Variants in PAXBP1 observed in about 807,000 individuals in gnomAD.
PAXBP1 encodes PAX3- and PAX7-binding protein 1.
A neutral mutation model predicts 119.9 loss-of-function variants in PAXBP1; 44 were observed. The observed-to-expected ratio is 0.37, with a 90% CI of 0.29 to 0.47. PAXBP1 has a LOEUF of 0.47. Among genes scored for constraint, PAXBP1 ranks in the 20% least tolerant of loss-of-function variants. PAXBP1 has a pLI of 0.99. For synonymous variants in PAXBP1, 393 were observed against 406.6 expected (o/e 0.97, Z 0.40); for missense variants, 898 against 1,134.1 (o/e 0.79, Z 2.99).
At chr21:32,762,011 G>C in intron 4 of PAXBP1, 85 bp downstream of exon 4, 1 of 1,386,816 alleles carries the variant, frequency 7.2e-7, no homozygotes, top group South Asian at 1.3e-5. Flanking sequence ...CTGCACTCTG[G>C]CCTAAGTGAT....
intron 5 of PAXBP1, 122 bp downstream of exon 5, chr21:32,760,936 TC>T: frequency 1.5e-6 from 1 of 672,404 alleles, no homozygotes; most frequent in Non-Finnish European, 2.6e-6. Context: ...TGTGTGTGTC[TC>T]CTCATGGGAT....
intron 8 of PAXBP1, among the ~76,000 whole-genome samples, chr21:32,753,077 A>C (rs556128810): frequency 6.6e-6 from 1 of 152,172 alleles, no homozygotes; most frequent in Non-Finnish European, 1.5e-5. Flanking sequence ...TGAGTTCACT[A>C]CACACCCCAG....
chr21:32,761,732 C>T (rs747043417), intron 4 of PAXBP1, among the ~76,000 whole-genome samples: 2 of 150,990 alleles, frequency 1.3e-5, no homozygotes, highest in Non-Finnish European at 2.9e-5. Context: ...TGGCCCATGC[C>T]TGTAATCCCA....
chr21:32,761,064 G>A lies in PAXBP1; in HGVS notation c.970C>T (p.Pro324Ser). The A allele has an allele frequency of 1.2e-6, 2 of 1,608,202 alleles. No homozygotes were observed. The highest frequency in any genetic ancestry group is 2.2e-5 in the East Asian group (1 of 44,694). ...GTTTAATTCTTTTGTCGTACCTGAG[G>A]GATATTAATTCCTTTCCTTATCTGC... ...QEQIRKGINI[P>S]QVQASQPAEV... is the part of the protein sequence containing the mutation. Residue 324 changes from proline to serine, a missense_variant, in exon 5 of 18, where the codon CCT (proline) becomes TCT (serine). By Grantham distance (74) the Pro-to-Ser change is moderately conservative. Around this residue, in one of 2 missense-constraint regions of PAXBP1, gnomAD observed 599 missense variants for 852.7 expected, o/e 0.70. Coordinates refer to ENST00000331923, the MANE Select transcript of PAXBP1 (RefSeq NM_016631.4).
chr21:32,759,727 AG>A, intron 6 of PAXBP1, 49 bp downstream of exon 6: 1 of 1,470,072 alleles, frequency 6.8e-7, no homozygotes, highest in Non-Finnish European at 9.5e-7. Flanking sequence ...ATGTTGCCTG[AG>A]GGAACAGAAA....
In PAXBP1 at chr21:32,743,284, G is replaced by A; in HGVS notation, c.2298C>T (p.Tyr766=). The A allele has an allele frequency of 6.3e-7, 1 of 1,575,974 alleles. No individual in the cohort carries two copies. The change falls in exon 15 of 18, where the codon TAC becomes TAT. Residue 766 remains tyrosine, a synonymous_variant. Transcript: ENST00000331923. ...ACCAAAACTGTCGTTGAAAAAACAA[G>A]TAAGGCCCAGAATTTTTATTTTCTA... is the stretch of plus-strand genomic sequence containing the variant. The part of the protein sequence containing the change: ...NVLENKNSGP[Y]LFFQRQFWSS...
At chr21:32,751,513 C>A in intron 8 of PAXBP1, 1 of 236,774 alleles carries the variant, frequency 4.2e-6, no homozygotes, top group East Asian at 8.7e-5. Context: ...GGACAGCTAT[C>A]AGGAATAGCT....
Position 32,748,621 on chromosome 21 carries a change from G to C in PAXBP1, c.1801C>G (p.Gln601Glu), listed in dbSNP as rs370916423. The C allele has an allele frequency of 6.8e-6, 11 of 1,613,912 alleles. No individual in the cohort carries two copies. In the African/African-American group the frequency reaches 1.3e-4, roughly 20 times the overall value. The change falls in exon 11 of 18, where the codon CAG (glutamine) becomes GAG (glutamate). Residue 601 changes from glutamine to glutamate, a missense_variant. Physicochemically the swap from Gln to Glu is conservative, Grantham distance 29. Around this residue, in one of 2 missense-constraint regions of PAXBP1, gnomAD observed 599 missense variants for 852.7 expected, o/e 0.70. Coordinates refer to ENST00000331923, the MANE Select transcript of PAXBP1 (RefSeq NM_016631.4). ...TATTTTGAACGCCATGCTTCAAACT[G>C]TGATTTAATACAGTCAATTGAATAG... Reference protein sequence around the residue: ...SFYSIDCIKSQFEAWRSKYYT... With the variant: ...SFYSIDCIKSEFEAWRSKYYT...
rs146548408 is a variant in PAXBP1 at position 32,745,673 on chromosome 21, G to T, written c.1969C>A (p.Leu657Met). ...FENMLWFESL[L>M]FYGCEEREQE... is the part of the protein sequence containing the mutation. ...TCTCGTTCTTCACAACCATAAAACAGCAAAGATTCAAACCACAGCATATTC... is the reference window on the plus strand; with the variant it reads ...TCTCGTTCTTCACAACCATAAAACATCAAAGATTCAAACCACAGCATATTC... The change falls in exon 12 of 18, where the codon CTG becomes ATG. Residue 657 changes from leucine to methionine, a missense_variant. Physicochemically the swap from Leu to Met is conservative, Grantham distance 15. Around this residue, in one of 2 missense-constraint regions of PAXBP1, gnomAD observed 599 missense variants for 852.7 expected, o/e 0.70. Coordinates refer to ENST00000331923, the MANE Select transcript of PAXBP1 (RefSeq NM_016631.4). 6 of 1,613,766 alleles carry T rather than the reference G, an allele frequency of 3.7e-6. No individual in the cohort carries two copies. The African/African-American group carries it at 8.0e-5, about 22-fold the overall frequency.
intron 15 of PAXBP1, among the ~76,000 whole-genome samples, chr21:32,741,876 A>C (rs761993189): frequency 6.6e-6 from 1 of 152,174 alleles, no homozygotes; most frequent in Non-Finnish European, 1.5e-5. Context: ...CCTTCATTTT[A>C]TGGTATTGTT....
chr21:32,754,581 T>C (rs2044013648), intron 8 of PAXBP1, among the ~76,000 whole-genome samples: 1 of 152,338 alleles, frequency 6.6e-6, no homozygotes, highest in African/African-American at 2.4e-5. Flanking sequence ...CCATAACACA[T>C]GTCATAATGA....
chr21:32,756,703 C>T (rs74533915), intron 7 of PAXBP1: 1 of 217,656 alleles, frequency 4.6e-6, no homozygotes, highest in Non-Finnish European at 9.1e-6. Context: ...GATAAATGAG[C>T]CTGAGGCATT....
chr21:32,761,280 GTCTAATATGA>G (rs1569165690), intron 4 of PAXBP1, 118 bp from the exon 5 acceptor site: 1 of 764,350 alleles, frequency 1.3e-6, no homozygotes, highest in Non-Finnish European at 2.2e-6. Context: ...TTACTAAAAT[GTCTAATATGA>G]TCTCCTCTCT....
At chr21:32,771,101 G>A (rs529481894) in intron 1 of PAXBP1, among the ~76,000 whole-genome samples, 2 of 152,246 alleles carry the variant, frequency 1.3e-5, no homozygotes, top group Non-Finnish European at 2.9e-5. Context: ...CTGAGCTCCG[G>A]CCCCGTGGCA....
At chr21:32,759,493 TC>T (rs1269198670) in intron 6 of PAXBP1, 4 of 610,636 alleles carry the variant, frequency 6.6e-6, no homozygotes, top group South Asian at 4.6e-5. Flanking sequence ...GTTTTGCTTT[TC>T]CCCCCATAGC....
chr21:32,743,526 G>A (rs1353811354), intron 14 of PAXBP1, 152 bp downstream of exon 14: 1 of 729,916 alleles, frequency 1.4e-6, no homozygotes, highest in African/African-American at 1.8e-5. Flanking sequence ...GTTTTATTCT[G>A]CTTAAGGGAA....
intron 2 of PAXBP1, 83 bp downstream of exon 2, chr21:32,769,730 AG>A: frequency 7.0e-7 from 1 of 1,435,946 alleles, no homozygotes; most frequent in Non-Finnish European, 9.5e-7. Context: ...CCACTGAATG[AG>A]TTCAGAAGAT....
intron 17 of PAXBP1, among the ~76,000 whole-genome samples, chr21:32,735,959 A>G (rs1407070634): frequency 6.6e-6 from 1 of 152,276 alleles, no homozygotes; most frequent in East Asian, 1.9e-4. Flanking sequence ...AGGTGCTTAC[A>G]TAGCTGTTAA....
At chr21:32,753,182 G>C (rs1471028643) in intron 8 of PAXBP1, among the ~76,000 whole-genome samples, 1 of 151,802 alleles carries the variant, frequency 6.6e-6, no homozygotes, top group Non-Finnish European at 1.5e-5. Context: ...TATACGGCTG[G>C]GCACGGTGGC....
Sources: gnomAD v4.1 joint callset for allele counts (sites outside exome capture counted in the v4.1 genomes callset) on GRCh38, gnomAD v4.1.1 for gene constraint, gnomAD v4.1.1 regional missense constraint, MANE v1.5 for transcripts, NCBI Gene and HGNC (gene_info 2026-07-23, HGNC 2026-07-21) for gene names.